Variants in IKZF1 observed in about 807,000 individuals in gnomAD.
IKZF1 encodes the protein DNA-binding protein Ikaros.
IKZF1 carries 10 observed loss-of-function variants against 51.7 expected under a neutral mutation model. The ratio of observed to expected loss-of-function variants is 0.19; its 90% CI spans 0.12 to 0.33. The LOEUF (loss-of-function observed/expected upper bound fraction) is 0.33. Ranked by LOEUF, IKZF1 falls within the 10% of genes least tolerant of loss-of-function variation. The pLI, the probability that IKZF1 is intolerant of heterozygous loss-of-function variation, is 1.00. For synonymous variants in IKZF1, 280 were observed against 282.3 expected, an observed-to-expected ratio of 0.99 and a Z score of 0.08; for missense variants, 484 against 707.5, an observed-to-expected ratio of 0.68 and a Z score of 3.58.
At chr7:50,392,647 G>A (rs1409829504) in intron 7 of IKZF1, among the ~76,000 whole-genome samples, 3 of 152,194 alleles carry the variant, frequency 2.0e-5, no homozygotes, top group Non-Finnish European at 4.4e-5. Flanking sequence ...CAGGGTGATT[G>A]TGAATATCCC....
intron 3 of IKZF1, 50 bp downstream of exon 3, chr7:50,327,807 G>C (rs1205944926): frequency 5.2e-6 from 8 of 1,525,692 alleles, no homozygotes; most frequent in Non-Finnish European, 7.1e-6. Context: ...TTATCTCTTT[G>C]TATTTTTCCA....
At chr7:50,388,884 A>T (rs1475534103) in intron 6 of IKZF1, among the ~76,000 whole-genome samples, 1 of 152,256 alleles carries the variant, frequency 6.6e-6, no homozygotes, top group Non-Finnish European at 1.5e-5. Flanking sequence ...TGCTTAATAA[A>T]CCATTTTATT....
chr7:50,400,154 C>T lies in IKZF1; in HGVS notation c.1087C>T (p.His363Tyr), dbSNP rs1283244437. 3.2e-6 allele frequency: 5 copies of T among 1,562,732 alleles called. No individual in the cohort carries two copies. The highest frequency in any genetic ancestry group is 4.3e-6 in the Non-Finnish European group (5 of 1,155,186). The change falls in exon 8 of 8, where the codon CAC becomes TAC. Residue 363 changes from histidine to tyrosine, a missense_variant. By Grantham distance (83) the His-to-Tyr change is moderately conservative. Transcript: ENST00000331340. This position sits in a 1 kb window ranked among gnomAD's most constrained non-coding sequence, Gnocchi z 5.4. ...CGCGGAGGGCACCCCGCGCTCCAACCACTCGGCCCAGGACAGCGCCGTGGA... is the reference window on the plus strand; with the variant it reads ...CGCGGAGGGCACCCCGCGCTCCAACTACTCGGCCCAGGACAGCGCCGTGGA... ...PLAEGTPRSN[H>Y]SAQDSAVENL...
chr7:50,309,317 G>T (rs1346235882), intron 1 of IKZF1, among the ~76,000 whole-genome samples: 1 of 152,210 alleles, frequency 6.6e-6, no homozygotes, highest in Non-Finnish European at 1.5e-5. Context: ...TAGGAGGTTA[G>T]GTTTGTTGAG....
At chr7:50,340,750 A>T (rs1798883718) in intron 3 of IKZF1, among the ~76,000 whole-genome samples, 1 of 152,220 alleles carries the variant, frequency 6.6e-6, no homozygotes, top group Non-Finnish European at 1.5e-5. Flanking sequence ...GTTTAGTGAC[A>T]ATTAACTATT....
Position 50,404,685 on chromosome 7 carries a change from G to T in IKZF1, c.*4058G>T, listed in dbSNP as rs973714628. 1 of 231,352 alleles carries T rather than the reference G, an allele frequency of 4.3e-6. No individual in the cohort carries two copies. Among genetic ancestry groups the T allele is most frequent in the South Asian group, 1.8e-4 (1 of 5,514 alleles). 14.3% of individuals were successfully genotyped at this position (231,352 alleles called of 1,614,324 possible). A position where few individuals can be genotyped will look rare whatever the true frequency, so the allele number is the denominator to read the frequency against. Reference sequence around the variant, plus strand: ...ATTCTAAGTCCCAGTCTTGAGGGTGGGTGGAGATGGAGGGCAACAAGAGAT... The same window carrying T: ...ATTCTAAGTCCCAGTCTTGAGGGTGTGTGGAGATGGAGGGCAACAAGAGAT... On this transcript the variant is annotated 3_prime_UTR_variant, in exon 8 of 8. Transcript: ENST00000331340.
intron 4 of IKZF1, among the ~76,000 whole-genome samples, chr7:50,380,383 G>A (rs535681970): frequency 6.6e-6 from 1 of 152,360 alleles, no homozygotes; most frequent in African/African-American, 2.4e-5. Context: ...GCATGTGTCT[G>A]TAGCAATCTG....
intron 3 of IKZF1, among the ~76,000 whole-genome samples, chr7:50,348,665 G>T (rs771967066): frequency 3.9e-5 from 6 of 152,194 alleles, no homozygotes; most frequent in Non-Finnish European, 8.8e-5. Context: ...TGTTAAGTCA[G>T]CAACTCTTCT....
At chr7:50,356,606 C>T (rs763830647) in intron 3 of IKZF1, among the ~76,000 whole-genome samples, 7 of 152,186 alleles carry the variant, frequency 4.6e-5, no homozygotes, top group Non-Finnish European at 8.8e-5. Flanking sequence ...TGCGCACGCA[C>T]TCTGCTAAGC....
At chr7:50,386,313 C>T (rs1273953267) in intron 5 of IKZF1, among the ~76,000 whole-genome samples, 1 of 152,218 alleles carries the variant, frequency 6.6e-6, no homozygotes, top group African/African-American at 2.4e-5. Flanking sequence ...AGCCACTAGC[C>T]ACATGCAGTA....
intron 5 of IKZF1, among the ~76,000 whole-genome samples, chr7:50,385,980 C>T (rs1265400266): frequency 1.3e-5 from 2 of 152,266 alleles, no homozygotes; most frequent in African/African-American, 4.8e-5. Context: ...GAGATTTAAC[C>T]AACATAAGCT....
rs1303640044 is a variant in IKZF1 at position 50,348,343 on chromosome 7, C to T, written c.160+20586C>T. On this transcript the variant is annotated intron_variant, in intron 3 of 7. Transcript: ENST00000331340. ...TGAGGAAGAAGGAGAAGGAGAGGGG[C>T]GTTTGTTGATTATTGATTTTGTAAG... Among the ~76,000 whole-genome samples, 5 of 152,230 alleles carry T rather than the reference C, an allele frequency of 3.3e-5. No individual in the cohort carries two copies. The East Asian group carries it at 5.8e-4, about 18-fold the overall frequency.
chr7:50,392,888 G>A (rs1480429237), intron 7 of IKZF1, among the ~76,000 whole-genome samples: 3 of 152,146 alleles, frequency 2.0e-5, no homozygotes, highest in Admixed American at 6.5e-5. Flanking sequence ...AGGACATGAC[G>A]GAGGAGCAGG....
chr7:50,391,924 T>C (rs1267306810), intron 7 of IKZF1, 61 bp downstream of exon 7: 2 of 1,545,168 alleles, frequency 1.3e-6, no homozygotes, highest in East Asian at 4.7e-5. Flanking sequence ...TAGATGCAAG[T>C]AGAAATGAGT....
intron 1 of IKZF1, among the ~76,000 whole-genome samples, chr7:50,307,801 TCA>T (rs144635679): frequency 2.0e-5 from 3 of 151,680 alleles, no homozygotes; most frequent in Non-Finnish European, 2.9e-5. Context: ...ATACACACTG[TCA>T]CACACACACA....
At chr7:50,384,099 C>T (rs1269814105) in intron 5 of IKZF1, among the ~76,000 whole-genome samples, 1 of 152,138 alleles carries the variant, frequency 6.6e-6, no homozygotes, top group Non-Finnish European at 1.5e-5. Context: ...AGAGACTTCC[C>T]ATAGAAGGGA....
chr7:50,351,411 A>T (rs761258303), intron 3 of IKZF1, among the ~76,000 whole-genome samples: 2 of 152,152 alleles, frequency 1.3e-5, no homozygotes, highest in Admixed American at 6.5e-5. Flanking sequence ...CCTGTTTTTC[A>T]TCTCAGAATG....
At chr7:50,389,376 A>T (rs1176032903) in intron 6 of IKZF1, among the ~76,000 whole-genome samples, 1 of 150,772 alleles carries the variant, frequency 6.6e-6, no homozygotes, top group Non-Finnish European at 1.5e-5. Context: ...ACGTGCCAGT[A>T]ATGTGTATTA....
intron 3 of IKZF1, among the ~76,000 whole-genome samples, chr7:50,373,069 G>T (rs920606900): frequency 2.0e-5 from 3 of 152,208 alleles, no homozygotes; most frequent in Admixed American, 6.5e-5. Context: ...CCAATGAGTG[G>T]CTGATCTCCA....
Sources: allele counts gnomAD v4.1 joint callset (sites outside exome capture counted in the v4.1 genomes callset), GRCh38; gene constraint gnomAD v4.1.1; non-coding constraint Gnocchi (gnomAD v3.1); transcripts MANE v1.5; gene names NCBI Gene and HGNC (gene_info 2026-07-23, HGNC 2026-07-21).